The following EHBP1 variants were observed in gnomAD, a reference collection of about 807,000 sequenced individuals.
EHBP1 encodes EH domain-binding protein 1.
Under a neutral mutation model 144.0 loss-of-function variants are expected in EHBP1, and 55 were observed. The observed-to-expected ratio is 0.38, with a 90% CI of 0.31 to 0.48. EHBP1 has a LOEUF of 0.48. Ranked by LOEUF, EHBP1 falls within the 20% of genes least tolerant of loss-of-function variation. The pLI, the probability that EHBP1 is intolerant of heterozygous loss-of-function variation, is 0.98. For missense variants in EHBP1, 1,200 were observed against 1,364.2 expected (o/e 0.88, Z 1.90); for synonymous variants, 469 against 472.7 (o/e 0.99, Z 0.10).
At chr2:62,684,760 A>G (rs1262726552) in intron 1 of EHBP1, among the ~76,000 whole-genome samples, 2 of 152,206 alleles carry the variant, frequency 1.3e-5, no homozygotes, top group African/African-American at 4.8e-5. Context: ...AGTCCACCAG[A>G]AAAAGAAGGA....
intron 7 of EHBP1, among the ~76,000 whole-genome samples, chr2:62,844,008 G>C (rs2048114570): frequency 6.6e-6 from 1 of 152,066 alleles, no homozygotes; most frequent in South Asian, 2.1e-4. Context: ...TAATCTAAAT[G>C]CATAAAGTGC....
At chr2:63,032,566 CAAAA>C (rs35237077) in intron 19 of EHBP1, among the ~76,000 whole-genome samples, 5 of 28,290 alleles carry the variant, frequency 1.8e-4, no homozygotes, top group South Asian at 1.3e-3. Flanking sequence ...GACTCTGTCT[CAAAA>C]AAAAAAAAAA....
chr2:62,705,352 C>A (rs1211920550), upstream of EHBP1, among the ~76,000 whole-genome samples: 1 of 152,130 alleles, frequency 6.6e-6, no homozygotes, highest in Non-Finnish European at 1.5e-5. Flanking sequence ...AGCCCCGCAC[C>A]AGCGGCGCCT....
At chr2:62,865,673 A>G (rs989725520) in intron 9 of EHBP1, among the ~76,000 whole-genome samples, 2 of 152,250 alleles carry the variant, frequency 1.3e-5, no homozygotes, top group African/African-American at 4.8e-5. Context: ...TAAAATTATT[A>G]TATGAAACAA....
chr2:62,704,858 T>A (rs976860096), upstream of EHBP1, among the ~76,000 whole-genome samples: 2 of 152,204 alleles, frequency 1.3e-5, no homozygotes, highest in African/African-American at 4.8e-5. Context: ...AGATTGAGTG[T>A]CCCTGCCCTC....
chr2:62,940,445 A>G (rs1198009303), intron 10 of EHBP1, among the ~76,000 whole-genome samples: 1 of 152,184 alleles, frequency 6.6e-6, no homozygotes, highest in African/African-American at 2.4e-5. Context: ...CCTATGAGAT[A>G]TGTACCGTTA....
intron 3 of EHBP1, among the ~76,000 whole-genome samples, chr2:62,759,665 A>T (rs902423197): frequency 1.3e-5 from 2 of 152,012 alleles, no homozygotes; most frequent in Non-Finnish European, 2.9e-5. Flanking sequence ...CAGCCTCTCA[A>T]AGTGCTGGAA....
intron 7 of EHBP1, among the ~76,000 whole-genome samples, chr2:62,839,352 A>G (rs2047591634): frequency 7.2e-6 from 1 of 139,646 alleles, no homozygotes; most frequent in Non-Finnish European, 1.6e-5. Flanking sequence ...CAAAATAATA[A>G]GAGCTATCTA....
chr2:63,017,280 T>C (rs1230702690), intron 19 of EHBP1, among the ~76,000 whole-genome samples: 1 of 152,166 alleles, frequency 6.6e-6, no homozygotes, highest in Admixed American at 6.5e-5. Context: ...TGCCTCGGCC[T>C]CCCAAAGTGC....
rs2061539823 is a variant in EHBP1, at chr2:63,038,640, A to C, written c.3204-103A>C. Reference sequence around the variant, plus strand: ...TTTGGAGTGGCTTAAACTTAAAGAGAAAAGTCAGTTATGAGTCCTAAAATC... The same window carrying C: ...TTTGGAGTGGCTTAAACTTAAAGAGCAAAGTCAGTTATGAGTCCTAAAATC... On this transcript the variant is annotated intron_variant, in intron 20 of 22. Coordinates refer to ENST00000431489, the MANE Select transcript of EHBP1 (RefSeq NM_001142616.3). 3 of 1,025,220 alleles carry C rather than the reference A, an allele frequency of 2.9e-6. No individual in the cohort carries two copies. The Admixed American group carries it at 6.0e-5, about 21-fold the overall frequency. 63.5% of individuals were successfully genotyped at this position (1,025,220 alleles called of 1,614,324 possible).
chr2:62,747,877 T>C (rs1282494262), intron 3 of EHBP1, among the ~76,000 whole-genome samples: 1 of 152,070 alleles, frequency 6.6e-6, no homozygotes, highest in Non-Finnish European at 1.5e-5. Flanking sequence ...AAGGACTTGA[T>C]AGAGGGAGTT....
chr2:63,022,867 A>G (rs953905274), intron 19 of EHBP1, among the ~76,000 whole-genome samples: 2 of 152,114 alleles, frequency 1.3e-5, no homozygotes, highest in Admixed American at 1.3e-4. Context: ...TTGAGTTGAT[A>G]CCTATTTTTT....
chr2:62,994,872 T>A (rs898648858), intron 18 of EHBP1, among the ~76,000 whole-genome samples: 1 of 152,170 alleles, frequency 6.6e-6, no homozygotes, highest in Admixed American at 6.6e-5. Flanking sequence ...TTGGTATAAC[T>A]TTTAAGTTAC....
chr2:62,761,989 G>A (rs1327371821), intron 3 of EHBP1, among the ~76,000 whole-genome samples: 2 of 152,078 alleles, frequency 1.3e-5, no homozygotes, highest in African/African-American at 4.8e-5. Context: ...TACTGAAACT[G>A]CTCTTGTAAA....
chr2:62,766,411 G>A (rs1395507794), intron 4 of EHBP1, among the ~76,000 whole-genome samples: 1 of 152,104 alleles, frequency 6.6e-6, no homozygotes, highest in African/African-American at 2.4e-5. Flanking sequence ...TAAATAAGAT[G>A]TTTCTCTTTG....
At chr2:62,943,020 C>A in intron 11 of EHBP1, 124 bp downstream of exon 11, 1 of 697,536 alleles carries the variant, frequency 1.4e-6, no homozygotes, top group Non-Finnish European at 2.3e-6. Context: ...CCACCTCTTG[C>A]TTTTGAGAGA....
intron 19 of EHBP1, among the ~76,000 whole-genome samples, chr2:63,027,277 A>G (rs375166677): frequency 5.9e-5 from 9 of 152,258 alleles, no homozygotes; most frequent in East Asian, 3.8e-4. Flanking sequence ...TGAAGGAAAT[A>G]CATGACAGTC....
chr2:62,771,183 T>C (rs974291617), intron 4 of EHBP1, among the ~76,000 whole-genome samples, 156 bp from the exon 5 acceptor site: 1 of 152,166 alleles, frequency 6.6e-6, no homozygotes, highest in Non-Finnish European at 1.5e-5. Context: ...AAAATTATAA[T>C]AAAAATAATG....
At chr2:62,818,386 A>G (rs1011688634) in intron 5 of EHBP1, among the ~76,000 whole-genome samples, 2 of 152,038 alleles carry the variant, frequency 1.3e-5, no homozygotes, top group Admixed American at 6.5e-5. Flanking sequence ...AAAACCTACC[A>G]TTGTGTTAGG....
Sources: gnomAD v4.1 joint callset for allele counts (sites outside exome capture counted in the v4.1 genomes callset) on GRCh38, gnomAD v4.1.1 for gene constraint, MANE v1.5 for transcripts, NCBI Gene and HGNC (gene_info 2026-07-23, HGNC 2026-07-21) for gene names.